NTNG1: variants seen among roughly 807,000 people sequenced by gnomAD.
The protein encoded by NTNG1 is netrin-G1.
A neutral mutation model predicts 54.0 loss-of-function variants in NTNG1; 16 were observed. The observed-to-expected ratio is 0.30, with a 90% CI of 0.20 to 0.45. The LOEUF is 0.45. Among genes scored for constraint, NTNG1 ranks in the 20% least tolerant of loss-of-function variants. The pLI is 1.00. For synonymous variants in NTNG1, 255 were observed against 263.1 expected (o/e 0.97, Z 0.30); for missense variants, 530 against 678.7 (o/e 0.78, Z 2.43).
At position 107,352,525 on chromosome 1, in the gene NTNG1, T is replaced by G. The variant is rs192041973; in HGVS notation, c.887+27603T>G. Among the ~76,000 whole-genome samples the G allele has an allele frequency of 5.0e-4, 76 of 152,302 alleles. 1 individual carries two copies. Among genetic ancestry groups the G allele is most frequent in the Admixed American group, 4.6e-3 (70 of 15,308 alleles). On this transcript the variant is annotated intron_variant, in intron 3 of 7. Coordinates refer to ENST00000370068, the MANE Select transcript of NTNG1 (RefSeq NM_001113226.3). ...TCCCCTCTGTGATAAGGCAAGTCCC[T>G]TCCACCTATGAGTCTGTAAAATCAA... is the stretch of plus-strand genomic sequence containing the variant.
intron 4 of NTNG1, among the ~76,000 whole-genome samples, chr1:107,400,524 C>T (rs1672954257): frequency 1.3e-5 from 2 of 152,250 alleles, no homozygotes; most frequent in Admixed American, 1.3e-4. Flanking sequence ...GTTCCAAAGT[C>T]CCATAGCTAA....
Position 107,481,389 on chromosome 1 carries a change from A to T in NTNG1, c.*549A>T, listed in dbSNP as rs1678704984. On this transcript the variant is annotated 3_prime_UTR_variant, in exon 8 of 8. Coordinates refer to ENST00000370068, the MANE Select transcript of NTNG1 (RefSeq NM_001113226.3). ...GTTGGTTGAAAGATTTCTTTGTCTG[A>T]TGTTAGTGATGCACATGTGTAACAG... 1 of 153,558 alleles carries T rather than the reference A, an allele frequency of 6.5e-6. No homozygotes were observed. Among genetic ancestry groups the T allele is most frequent in the Non-Finnish European group, 1.5e-5 (1 of 68,924 alleles). The allele number at this position is 153,558 out of a possible 1,614,324, so 9.5% of individuals were successfully genotyped here.
chr1:107,323,755 G>A (rs1284888707), intron 2 of NTNG1, among the ~76,000 whole-genome samples: 2 of 132,806 alleles, frequency 1.5e-5, no homozygotes, highest in Non-Finnish European at 3.2e-5. Context: ...ACCCAGTTAA[G>A]TATGACGGAT....
At chr1:107,412,447 A>G (rs1016752303) in intron 5 of NTNG1, among the ~76,000 whole-genome samples, 3 of 152,206 alleles carry the variant, frequency 2.0e-5, no homozygotes, top group African/African-American at 7.2e-5. Flanking sequence ...ATGCAGTACA[A>G]CCAGGAATGC....
chr1:107,392,244 G>A (rs1672408788), intron 3 of NTNG1, among the ~76,000 whole-genome samples: 2 of 151,980 alleles, frequency 1.3e-5, no homozygotes, highest in South Asian at 4.2e-4. Context: ...GACCCCAGTG[G>A]GTAACAGAGA....
At chr1:107,471,024 A>G (rs919583306) in intron 7 of NTNG1, among the ~76,000 whole-genome samples, 1 of 152,216 alleles carries the variant, frequency 6.6e-6, no homozygotes, top group African/African-American at 2.4e-5. Context: ...TGTGAACTGC[A>G]GAATGGTCTC....
At chr1:107,194,029 C>A (rs1658147129) in intron 2 of NTNG1, among the ~76,000 whole-genome samples, 2 of 152,024 alleles carry the variant, frequency 1.3e-5, no homozygotes, top group Non-Finnish European at 2.9e-5. Context: ...ATTTCCTTCT[C>A]ATCACTTCCA....
At chr1:107,314,286 C>G (rs1045987202) in intron 2 of NTNG1, among the ~76,000 whole-genome samples, 25 of 152,142 alleles carry the variant, frequency 1.6e-4, no homozygotes, top group African/African-American at 5.8e-4. Context: ...GTATTCCCAG[C>G]TACTCGGGAG....
At chr1:107,363,457 G>A (rs902873728) in intron 3 of NTNG1, among the ~76,000 whole-genome samples, 24 of 152,248 alleles carry the variant, frequency 1.6e-4, no homozygotes, top group African/African-American at 5.3e-4. Context: ...ATATAACTGC[G>A]TTCAACATCA....
At chr1:107,427,483 A>G (rs1365056954) in intron 5 of NTNG1, among the ~76,000 whole-genome samples, 1 of 152,144 alleles carries the variant, frequency 6.6e-6, no homozygotes, top group Non-Finnish European at 1.5e-5. Context: ...AAGACCAGGT[A>G]TTAAAAAGTA....
chr1:107,408,128 G>A (rs1673566944), intron 5 of NTNG1: 1 of 313,454 alleles, frequency 3.2e-6, no homozygotes, highest in Non-Finnish European at 6.2e-6. Flanking sequence ...TGAATGCCTT[G>A]GGTATATGCA....
chr1:107,242,303 GA>G (rs1001417801), intron 2 of NTNG1, among the ~76,000 whole-genome samples: 21 of 151,668 alleles, frequency 1.4e-4, no homozygotes, highest in African/African-American at 4.1e-4. Flanking sequence ...GTGACAGAGT[GA>G]AAAAAAAGAA....
At chr1:107,430,968 G>GGAGATAT (rs1309664044) in intron 6 of NTNG1, 51 bp downstream of exon 6, 2 of 1,578,884 alleles carry the variant, frequency 1.3e-6, no homozygotes, top group African/African-American at 2.7e-5. Context: ...TGAGCTACGG[G>GGAGATAT]GAGATATTTA....
At chr1:107,418,696 A>T in intron 5 of NTNG1, 1 of 1,179,834 alleles carries the variant, frequency 8.5e-7, no homozygotes, top group South Asian at 1.4e-5. Context: ...TGTTTGGGGG[A>T]AAATCCTATA....
chr1:107,398,288 T>TAA (rs137974022), intron 4 of NTNG1, among the ~76,000 whole-genome samples: 1 of 151,092 alleles, frequency 6.6e-6, no homozygotes, highest in East Asian at 1.9e-4. Context: ...TAAAGTATAA[T>TAA]AAAAAAAAAT....
At chr1:107,453,668 G>C (rs1211847540) in intron 7 of NTNG1, among the ~76,000 whole-genome samples, 4 of 152,186 alleles carry the variant, frequency 2.6e-5, no homozygotes, top group Non-Finnish European at 5.9e-5. Context: ...GAAAGTGGAT[G>C]CCATGTAGGG....
intron 5 of NTNG1, among the ~76,000 whole-genome samples, chr1:107,413,172 T>A (rs917320725): frequency 2.0e-5 from 3 of 151,922 alleles, no homozygotes; most frequent in Non-Finnish European, 4.4e-5. Flanking sequence ...TTTTTCATTT[T>A]TTTTTTCTGA....
intron 7 of NTNG1, among the ~76,000 whole-genome samples, chr1:107,440,381 G>T (rs1197676227): frequency 6.6e-6 from 1 of 152,072 alleles, no homozygotes; most frequent in African/African-American, 2.4e-5. Flanking sequence ...TAGAGACCAG[G>T]GTCTGAATCC....
intron 3 of NTNG1, among the ~76,000 whole-genome samples, chr1:107,349,917 A>G (rs1408701519): frequency 6.6e-6 from 1 of 152,190 alleles, no homozygotes; most frequent in East Asian, 1.9e-4. Flanking sequence ...TGCAAAAAGT[A>G]TCTAGGGAAA....
Sources: allele counts gnomAD v4.1 joint callset (sites outside exome capture counted in the v4.1 genomes callset), GRCh38; gene constraint gnomAD v4.1.1; transcripts MANE v1.5; gene names NCBI Gene and HGNC (gene_info 2026-07-23, HGNC 2026-07-21).